The following NOLC1 variants were observed in gnomAD, a reference collection of about 807,000 sequenced individuals.
The protein encoded by NOLC1 is 140 kDa nucleolar phosphoprotein.
Under a neutral mutation model 73.4 loss-of-function variants are expected in NOLC1, and 37 were observed. The observed-to-expected ratio is 0.50, with a 90% CI of 0.39 to 0.66. The LOEUF is 0.66. NOLC1 is among the 30% of genes least tolerant of loss of function. The pLI, the probability that NOLC1 is intolerant of heterozygous loss-of-function variation, is 0.00. For missense variants in NOLC1, 921 were observed against 838.9 expected, an observed-to-expected ratio of 1.10 and a Z score of -1.21; for synonymous variants, 327 against 302.6, an observed-to-expected ratio of 1.08 and a Z score of -0.84.
intron 9 of NOLC1, 52 bp downstream of exon 9, chr10:102,160,395 A>G (rs767840499): frequency 4.3e-6 from 7 of 1,613,126 alleles, no homozygotes; most frequent in African/African-American, 1.3e-5. Context: ...GGCAGCTGCT[A>G]AGGGCTCCCC....
Position 102,159,548 on chromosome 10 carries a change from A to C in NOLC1, c.839A>C (p.Lys280Thr), listed in dbSNP as rs1376117848. ...SSSDEEEEQKKPMKNKPGPYS... is the reference protein window; with the variant it reads ...SSSDEEEEQKTPMKNKPGPYS... Reference sequence around the variant, plus strand: ...AGTGACGAGGAAGAGGAGCAAAAAAAACCCATGAAAAATAAACCAGGTGAC... The same window carrying C: ...AGTGACGAGGAAGAGGAGCAAAAAACACCCATGAAAAATAAACCAGGTGAC... Residue 280 changes from lysine to threonine, a missense_variant, in exon 7 of 13, where the codon AAA becomes ACA. Physicochemically the swap from Lys to Thr is moderately conservative, Grantham distance 78. Transcript: ENST00000605788. 1 of 1,614,160 alleles carries C rather than the reference A, an allele frequency of 6.2e-7. No homozygotes were observed.
intron 1 of NOLC1, 138 bp downstream of exon 1, chr10:102,152,668 G>A: frequency 8.1e-7 from 1 of 1,234,630 alleles, no homozygotes; most frequent in Non-Finnish European, 1.1e-6. Context: ...CGACCCCTCG[G>A]CAGTGACCAG....
rs772939618 is a variant in NOLC1 at position 102,160,349 on chromosome 10, G to A, written c.1099+6G>A. 3.7e-6 allele frequency: 6 copies of A among 1,613,866 alleles called. No homozygotes were observed. The Admixed American group carries it at 8.3e-5, about 22-fold the overall frequency. ...GAGCTCTTCAGACAGCTCAGGTAAG[G>A]CATATGGAGGCCCTCAGTTCAGTGA... On this transcript the variant is annotated splice_donor_region_variant and intron_variant, in intron 9 of 12. Transcript: ENST00000605788.
chr10:102,154,238 A>ATTTTTTTTTTT (rs71016366), intron 1 of NOLC1, among the ~76,000 whole-genome samples: 1 of 126,414 alleles, frequency 7.9e-6, no homozygotes, highest in Non-Finnish European at 1.7e-5. Context: ...TGCCTGGCTA[A>ATTTTTTTTTTT]TTTTTTTTTT....
Position 102,161,842 on chromosome 10 carries a change from A to C in NOLC1, c.1858A>C (p.Arg620=). ...CTTCATTCTTCTGTAGGGAGAAAAA[A>C]GGGCATCATCCCCATTCCGAAGGGT... ...TFPKRKKGEK[R]ASSPFRRVRE... is the part of the protein sequence containing the mutation. Residue 620 remains arginine, a synonymous_variant, in exon 12 of 13, where the codon AGG becomes CGG. Transcript: ENST00000605788. 1 of 1,614,006 alleles carries C rather than the reference A, an allele frequency of 6.2e-7. No homozygotes were observed. Among genetic ancestry groups the C allele is most frequent in the Non-Finnish European group, 8.5e-7 (1 of 1,179,888 alleles).
chr10:102,160,994 G>A lies in NOLC1; in HGVS notation c.1642G>A (p.Gly548Ser). ...SPRPQAPKAN[G>S]TSALTAQNGK... ...AAGACCACAAGCCCCCAAGGCCAAT[G>A]GCACCTCTGCACTGACTGCCCAGAA... Residue 548 changes from glycine (G) to serine (S), a missense_variant, in exon 10 of 13, where the codon GGC becomes AGC. By Grantham distance (56) the Gly-to-Ser change is moderately conservative. Coordinates refer to ENST00000605788, the MANE Select transcript of NOLC1 (RefSeq NM_004741.5). 1.2e-6 allele frequency: 2 copies of A among 1,614,084 alleles called. No individual in the cohort carries two copies. The highest frequency in any genetic ancestry group is 1.7e-6 in the Non-Finnish European group (2 of 1,180,002).
At chr10:102,161,769 T>C (rs1298172574) in intron 11 of NOLC1, 64 bp from the exon 12 acceptor site, 10 of 1,547,088 alleles carry the variant, frequency 6.5e-6, no homozygotes, top group Non-Finnish European at 8.9e-6. Flanking sequence ...TGCCCATGTG[T>C]ATCACTCAGG....
At chr10:102,152,670 A>C in intron 1 of NOLC1, 140 bp downstream of exon 1, 1 of 1,222,864 alleles carries the variant, frequency 8.2e-7, no homozygotes, top group Non-Finnish European at 1.1e-6. Flanking sequence ...ACCCCTCGGC[A>C]GTGACCAGAG....
In NOLC1 at chr10:102,161,475, T is replaced by C. The variant is rs991449837; in HGVS notation, c.1742-81T>C. The C allele has an allele frequency of 4.1e-6, 4 of 984,952 alleles. No homozygotes were observed. The African/African-American group carries it at 6.5e-5, about 16-fold the overall frequency. 61.0% of individuals were successfully genotyped at this position (984,952 alleles called of 1,614,324 possible). A position where few individuals can be genotyped will look rare whatever the true frequency, so the allele number is the denominator to read the frequency against. On this transcript the variant is annotated intron_variant, in intron 10 of 12. Coordinates refer to ENST00000605788, the MANE Select transcript of NOLC1 (RefSeq NM_004741.5). ...TGAATTTCCTGGGCTCAAGCGATCC[T>C]CCTACCTTGGACTCCCAAAATGCTG...
chr10:102,161,914 TTTG>T lies in NOLC1; in HGVS notation c.1931_1933del (p.Phe644_Asp645delinsTyr). On this transcript the variant is annotated inframe_deletion, in exon 12 of 13. Transcript: ENST00000605788. ...GGATTCACGAGTTGCGGACAACTCC[TTTG>T]ATGCCAAGGTGAGAGAGAGATCTGT... 1 of 1,614,102 alleles carries T rather than the reference TTTG, an allele frequency of 6.2e-7. No homozygotes were observed. Among genetic ancestry groups the T allele is most frequent in the Non-Finnish European group, 8.5e-7 (1 of 1,179,964 alleles).
intron 1 of NOLC1, among the ~76,000 whole-genome samples, chr10:102,154,858 G>GTGTT (rs576066944): frequency 6.6e-6 from 1 of 151,658 alleles, no homozygotes; most frequent in African/African-American, 2.4e-5. Context: ...GTATTGTTTT[G>GTGTT]TGTTTGTTTG....
intron 1 of NOLC1, among the ~76,000 whole-genome samples, chr10:102,155,358 G>A (rs1256571016): frequency 6.7e-6 from 1 of 149,926 alleles, no homozygotes; most frequent in African/African-American, 2.5e-5. Context: ...CAACCTGGGC[G>A]ACCAAGAGCG....
intron 8 of NOLC1, 77 bp from the exon 9 acceptor site, chr10:102,160,156 G>A (rs2069675562): frequency 6.3e-7 from 1 of 1,590,220 alleles, no homozygotes. Context: ...CTCTGTGCGT[G>A]TCTTTGCATT....
chr10:102,161,668 T>A lies in NOLC1; in HGVS notation c.1848+6T>A, dbSNP rs903782464. The A allele has an allele frequency of 1.7e-5, 28 of 1,602,810 alleles. No individual in the cohort carries two copies. Among genetic ancestry groups the A allele is most frequent in the Non-Finnish European group, 2.2e-5 (26 of 1,170,440 alleles). ...CATTTCCAAAAAGGAAGAAAGTAAG[T>A]TGTCTCACTTTCTTCTCAGGAGCCA... is the stretch of plus-strand genomic sequence containing the variant. On this transcript the variant is annotated splice_donor_region_variant and intron_variant, in intron 11 of 12. Coordinates refer to ENST00000605788, the MANE Select transcript of NOLC1 (RefSeq NM_004741.5).
chr10:102,160,290 C>T lies in NOLC1; in HGVS notation c.1046C>T (p.Thr349Ile), dbSNP rs969941546. The T allele has an allele frequency of 1.2e-6, 2 of 1,614,200 alleles. No homozygotes were observed. The highest frequency in any genetic ancestry group is 2.2e-5 in the East Asian group (1 of 44,890). ...PPTKAVVSKA[T>I]TKPPPAKKAA... ...ACTAAGGCAGTAGTCTCTAAAGCAA[C>T]CACTAAACCACCTCCAGCAAAGAAA... Residue 349 changes from threonine to isoleucine, a missense_variant, in exon 9 of 13, where the codon ACC (threonine) becomes ATC (isoleucine). By Grantham distance (89) the Thr-to-Ile change is moderately conservative. Coordinates refer to ENST00000605788, the MANE Select transcript of NOLC1 (RefSeq NM_004741.5).
At chr10:102,161,249 T>C (rs538501634) in intron 10 of NOLC1, among the ~76,000 whole-genome samples, 156 bp downstream of exon 10, 1 of 151,656 alleles carries the variant, frequency 6.6e-6, no homozygotes, top group Non-Finnish European at 1.5e-5. Context: ...TTTTTTTTTT[T>C]TTATTAGAGT....
rs1430096817 is a variant in NOLC1, at chr10:102,162,176, C to G, written c.2007C>G (p.Ser669=). ...TTTTGAAGTTCACCAAAGGCAAGTC[C>G]TTTCGGCATGAGAAAACCAAGAAGA... ...NQVLKFTKGK[S]FRHEKTKKKR... The change falls in exon 13 of 13, where the codon TCC becomes TCG. Residue 669 remains serine (S), a synonymous_variant. Transcript: ENST00000605788. 6.2e-7 allele frequency: 1 copy of G among 1,614,140 alleles called. No individual in the cohort carries two copies. Among genetic ancestry groups the G allele is most frequent in the Non-Finnish European group, 8.5e-7 (1 of 1,180,042 alleles).
rs1367889156 is a variant in NOLC1 at position 102,157,495 on chromosome 10, C to G, written c.381C>G (p.Ser127Arg). 1 of 1,614,120 alleles carries G rather than the reference C, an allele frequency of 6.2e-7. No individual in the cohort carries two copies. ...GKAAAKASES[S>R]SSEESSDDDD... ...CTGCAGCCAAAGCATCAGAGAGTAG[C>G]AGCAGTGAAGAGTCCAGTGATGATG... Residue 127 changes from serine to arginine, a missense_variant, in exon 4 of 13, where the codon AGC becomes AGG. By Grantham distance (110) the Ser-to-Arg change is moderately radical (BLOSUM62 -1). Coordinates refer to ENST00000605788, the MANE Select transcript of NOLC1 (RefSeq NM_004741.5).
At chr10:102,153,872 C>G (rs1010667243) in intron 1 of NOLC1, among the ~76,000 whole-genome samples, 1 of 151,196 alleles carries the variant, frequency 6.6e-6, no homozygotes, top group Non-Finnish European at 1.5e-5. Context: ...GAGGTTTCAC[C>G]ATGTTGGCCA....
Sources: gnomAD v4.1 joint callset for allele counts (sites outside exome capture counted in the v4.1 genomes callset) on GRCh38, gnomAD v4.1.1 for gene constraint, MANE v1.5 for transcripts, NCBI Gene and HGNC (gene_info 2026-07-23, HGNC 2026-07-21) for gene names.